The following L3MBTL4 variants were observed in gnomAD, a reference collection of about 807,000 sequenced individuals.
L3MBTL4 encodes the protein lethal(3)malignant brain tumor-like protein 4.
Under a neutral mutation model 84.5 loss-of-function variants are expected in L3MBTL4, and 70 were observed. That is an observed-to-expected ratio of 0.83 (90% CI 0.68 to 1.01). The LOEUF is 1.01. Among genes scored for constraint, L3MBTL4 ranks in the 50% least tolerant of loss-of-function variants. L3MBTL4 has a pLI of 0.00. For synonymous variants in L3MBTL4, 274 were observed against 259.8 expected (o/e 1.05, Z -0.52); for missense variants, 715 against 754.8 (o/e 0.95, Z 0.62).
At chr18:6,053,036 A>C (rs2056890631) in intron 16 of L3MBTL4, among the ~76,000 whole-genome samples, 1 of 152,236 alleles carries the variant, frequency 6.6e-6, no homozygotes, top group African/African-American at 2.4e-5. Context: ...ACAAACGTTG[A>C]TTATCAACCA....
At chr18:6,390,155 A>ATGT (rs2054986501) in intron 1 of L3MBTL4, among the ~76,000 whole-genome samples, 1 of 152,066 alleles carries the variant, frequency 6.6e-6, no homozygotes, top group Non-Finnish European at 1.5e-5. Context: ...AGCCCTCAAG[A>ATGT]CTATATATCT....
chr18:6,123,679 T>A (rs929174296), intron 14 of L3MBTL4, among the ~76,000 whole-genome samples: 6 of 152,220 alleles, frequency 3.9e-5, no homozygotes, highest in Admixed American at 1.3e-4. Flanking sequence ...AATATGAATA[T>A]CACAGATATT....
chr18:6,083,640 T>C (rs1376865067), intron 15 of L3MBTL4, among the ~76,000 whole-genome samples: 1 of 152,234 alleles, frequency 6.6e-6, no homozygotes, highest in African/African-American at 2.4e-5. Context: ...AGGGATGTAC[T>C]ACTGTTGCAC....
intron 16 of L3MBTL4, among the ~76,000 whole-genome samples, chr18:6,068,215 T>C (rs183682518): frequency 2.0e-5 from 3 of 152,330 alleles, no homozygotes; most frequent in Admixed American, 2.0e-4. Flanking sequence ...TCCCATGGTG[T>C]ACACCTTTTT....
intron 1 of L3MBTL4, among the ~76,000 whole-genome samples, chr18:6,314,337 T>G (rs1465326889): frequency 6.6e-6 from 1 of 152,052 alleles, no homozygotes; most frequent in African/African-American, 2.4e-5. Context: ...ATATAAAGTT[T>G]TTAGAGTTAA....
At chr18:6,155,127 G>A (rs1177674353) in intron 13 of L3MBTL4, among the ~76,000 whole-genome samples, 4 of 152,132 alleles carry the variant, frequency 2.6e-5, no homozygotes, top group African/African-American at 9.7e-5. Flanking sequence ...TAGTCAAGGA[G>A]AATAATGCCT....
intron 5 of L3MBTL4, among the ~76,000 whole-genome samples, chr18:6,255,806 A>G (rs1734632752): frequency 6.6e-6 from 1 of 152,012 alleles, no homozygotes; most frequent in Non-Finnish European, 1.5e-5. Context: ...GAATAGGTAG[A>G]CAAGCAAACA....
chr18:6,335,669 G>T (rs372387721), intron 1 of L3MBTL4, among the ~76,000 whole-genome samples: 1 of 152,230 alleles, frequency 6.6e-6, no homozygotes, highest in East Asian at 1.9e-4. Context: ...GGAGGTGATT[G>T]GATCATGTGG....
At position 5,967,949 on chromosome 18, in the gene L3MBTL4, A is replaced by G. The variant is rs2052435799; in HGVS notation, c.1614+1444T>C. ...ACATGCCCAGAATTCTGCCTTCTCC[A>G]CCACGTTCCTCACGATCTGGACTCT... On this transcript the variant is annotated intron_variant, in intron 17 of 18. Coordinates refer to ENST00000317931, the MANE Select transcript of L3MBTL4 (RefSeq NM_001330559.2). 2.0e-5 allele frequency among the ~76,000 whole-genome samples: 3 copies of G among 152,228 alleles called. No homozygotes were observed. In the South Asian group the frequency reaches 6.2e-4, roughly 32 times the overall value.
chr18:6,137,333 G>A (rs986969316), intron 14 of L3MBTL4, among the ~76,000 whole-genome samples: 2 of 152,118 alleles, frequency 1.3e-5, no homozygotes, highest in Non-Finnish European at 2.9e-5. Context: ...TGTGATTTGG[G>A]AGTGCTTATC....
At chr18:6,131,204 AAAC>A (rs1171755741) in intron 14 of L3MBTL4, among the ~76,000 whole-genome samples, 2 of 152,164 alleles carry the variant, frequency 1.3e-5, no homozygotes, top group African/African-American at 2.4e-5. Context: ...GAAATGGTAA[AAAC>A]AACATTCTGC....
intron 14 of L3MBTL4, among the ~76,000 whole-genome samples, chr18:6,136,646 A>C (rs1035398142): frequency 6.6e-6 from 1 of 152,126 alleles, no homozygotes; most frequent in Non-Finnish European, 1.5e-5. Flanking sequence ...ACCTACATAG[A>C]GTGTACCAAG....
intron 4 of L3MBTL4, among the ~76,000 whole-genome samples, chr18:6,271,101 C>T (rs1713469473): frequency 6.6e-6 from 1 of 152,066 alleles, no homozygotes; most frequent in South Asian, 2.1e-4. Flanking sequence ...TCTGTTAGAC[C>T]GCAGCAGTGG....
intron 4 of L3MBTL4, among the ~76,000 whole-genome samples, chr18:6,266,800 A>G (rs2048653900): frequency 6.6e-6 from 1 of 152,076 alleles, no homozygotes; most frequent in South Asian, 2.1e-4. Flanking sequence ...GTGCATGCCT[A>G]TAATCCCAGC....
intron 4 of L3MBTL4, among the ~76,000 whole-genome samples, chr18:6,270,051 G>A (rs139840231): frequency 6.6e-6 from 1 of 152,232 alleles, no homozygotes; most frequent in Non-Finnish European, 1.5e-5. Flanking sequence ...TGCTGCACGT[G>A]ACTTCATCAG....
chr18:6,391,376 C>A (rs907659926), intron 1 of L3MBTL4, among the ~76,000 whole-genome samples: 1 of 152,100 alleles, frequency 6.6e-6, no homozygotes, highest in Non-Finnish European at 1.5e-5. Flanking sequence ...CAGGCAATAT[C>A]ACACTGAATA....
chr18:6,226,676 ATAAAG>A (rs2046797470), intron 10 of L3MBTL4, among the ~76,000 whole-genome samples: 1 of 152,174 alleles, frequency 6.6e-6, no homozygotes, highest in South Asian at 2.1e-4. Flanking sequence ...AAGTGATATA[ATAAAG>A]TAGACTGCGA....
At chr18:6,003,273 C>A (rs981397728) in intron 16 of L3MBTL4, among the ~76,000 whole-genome samples, 3 of 150,178 alleles carry the variant, frequency 2.0e-5, no homozygotes, top group Non-Finnish European at 4.5e-5. Flanking sequence ...TACTATCAGA[C>A]AAAATAAGCT....
At chr18:6,203,984 G>A (rs2045761758) in intron 12 of L3MBTL4, among the ~76,000 whole-genome samples, 1 of 152,122 alleles carries the variant, frequency 6.6e-6, no homozygotes, top group Non-Finnish European at 1.5e-5. Context: ...GCCCGTTTAG[G>A]GTGTGTGCCC....
Sources: allele counts gnomAD v4.1 joint callset (sites outside exome capture counted in the v4.1 genomes callset), GRCh38; gene constraint gnomAD v4.1.1; transcripts MANE v1.5; gene names NCBI Gene and HGNC (gene_info 2026-07-23, HGNC 2026-07-21).